Variants in ESPNL observed in about 807,000 individuals in gnomAD.
The protein encoded by ESPNL is espin like.
ESPNL carries 49 observed loss-of-function variants against 46.8 expected under a neutral mutation model. That is an observed-to-expected ratio of 1.05 (90% CI 0.83 to 1.33). ESPNL has a LOEUF of 1.33. ESPNL is among the 40% of genes most tolerant of loss of function. The pLI, the probability that ESPNL is intolerant of heterozygous loss-of-function variation, is 0.00. For missense variants in ESPNL, 1,540 were observed against 1,436.6 expected, an observed-to-expected ratio of 1.07 and a Z score of -1.16; for synonymous variants, 664 against 662.1, an observed-to-expected ratio of 1.00 and a Z score of -0.04.
chr2:238,125,615 G>GT (rs1481899141), intron 6 of ESPNL, among the ~76,000 whole-genome samples: 8 of 152,256 alleles, frequency 5.3e-5, no homozygotes, highest in Non-Finnish European at 1.2e-4. Context: ...CTTATCCAGG[G>GT]GTAAAAGCGG....
intron 6 of ESPNL, among the ~76,000 whole-genome samples, chr2:238,126,839 GTATC>G (rs1270061588): frequency 6.6e-6 from 1 of 151,238 alleles, no homozygotes; most frequent in Non-Finnish European, 1.5e-5. Context: ...GTGTGTGACT[GTATC>G]TGTGTGTGAT....
chr2:238,117,403 A>G (rs1473132524), intron 5 of ESPNL, among the ~76,000 whole-genome samples: 2 of 152,208 alleles, frequency 1.3e-5, no homozygotes, highest in African/African-American at 4.8e-5. Flanking sequence ...TGGCCAGGCC[A>G]TGCCTTTCGT....
At chr2:238,123,100 A>G (rs6744116) in intron 5 of ESPNL, among the ~76,000 whole-genome samples, 82,259 of 152,054 alleles carry the variant, frequency 0.54, 24,241 homozygotes, top group African/African-American at 0.78. Context: ...GCTGTGCCGC[A>G]TAGGTCTGTA....
At chr2:238,104,153 G>A (rs549823291) in intron 2 of ESPNL, among the ~76,000 whole-genome samples, 3 of 152,274 alleles carry the variant, frequency 2.0e-5, no homozygotes, top group South Asian at 2.1e-4. Context: ...ACAGGGTGGC[G>A]TGGTCAGCAG....
At chr2:238,111,626 A>G (rs1691720134) in intron 4 of ESPNL, among the ~76,000 whole-genome samples, 1 of 152,212 alleles carries the variant, frequency 6.6e-6, no homozygotes, top group South Asian at 2.1e-4. Flanking sequence ...TTTCCTTTTT[A>G]TAGCTAAATA....
At chr2:238,120,957 A>G (rs1048207299) in intron 5 of ESPNL, among the ~76,000 whole-genome samples, 1 of 152,222 alleles carries the variant, frequency 6.6e-6, no homozygotes, top group Non-Finnish European at 1.5e-5. Context: ...GGACTCGTGC[A>G]TTCCAAGAGC....
chr2:238,122,015 G>A (rs1442342161), intron 5 of ESPNL, among the ~76,000 whole-genome samples: 1 of 152,214 alleles, frequency 6.6e-6, no homozygotes, highest in African/African-American at 2.4e-5. Context: ...GGCTCACCAC[G>A]ATGCTCTCCA....
rs1454407527 is a variant in ESPNL, at chr2:238,131,181, C to T, written c.2467C>T (p.Leu823=). The T allele has an allele frequency of 6.5e-7, 1 of 1,544,274 alleles. No individual in the cohort carries two copies. The highest frequency in any genetic ancestry group is 8.7e-7 in the Non-Finnish European group (1 of 1,146,460). Reference sequence around the variant, plus strand: ...CATGGCTCACGTGCCCGCCCGGCAGCTGCGGCGGCTGAGCCGGCAGCCCCG... The same window carrying T: ...CATGGCTCACGTGCCCGCCCGGCAGTTGCGGCGGCTGAGCCGGCAGCCCCG... ...AIMAHVPARQ[L]RRLSRQPRGA... The change falls in exon 9 of 9, where the codon CTG becomes TTG. Residue 823 remains leucine (L), a synonymous_variant. Coordinates refer to ENST00000343063, the MANE Select transcript of ESPNL (RefSeq NM_194312.4).
intron 2 of ESPNL, among the ~76,000 whole-genome samples, chr2:238,103,524 G>A (rs1275237273): frequency 6.6e-6 from 1 of 152,182 alleles, no homozygotes; most frequent in Admixed American, 6.5e-5. Flanking sequence ...CCCCGGCCTA[G>A]TTCCCGCCTG....
At chr2:238,125,231 C>A in intron 5 of ESPNL, 39 bp from the exon 6 acceptor site, 1 of 1,014,568 alleles carries the variant, frequency 9.9e-7, no homozygotes, top group Non-Finnish European at 1.4e-6. Flanking sequence ...GGGAAGAGCC[C>A]ACGGGGGTCC....
intron 2 of ESPNL, 130 bp downstream of exon 2, chr2:238,102,261 A>G: frequency 2.5e-6 from 2 of 811,948 alleles, no homozygotes; most frequent in Non-Finnish European, 3.8e-6. Context: ...GCATGCTGTC[A>G]CTGTGGGGGT....
chr2:238,129,769 T>C lies in ESPNL; in HGVS notation c.1414-359T>C, dbSNP rs531513388. Among the ~76,000 whole-genome samples the C allele has an allele frequency of 8.5e-5, 13 of 152,392 alleles. 1 individual carries two copies. In the East Asian group the frequency reaches 2.1e-3, roughly 25 times the overall value. On this transcript the variant is annotated intron_variant, in intron 8 of 8. Coordinates refer to ENST00000343063, the MANE Select transcript of ESPNL (RefSeq NM_194312.4). Reference sequence around the variant, plus strand: ...TACAATTTAAGGAAAGTAAAAGTCCTGCCCCTCCGTCGCACCAGCCACCTG... The same window carrying C: ...TACAATTTAAGGAAAGTAAAAGTCCCGCCCCTCCGTCGCACCAGCCACCTG...
At chr2:238,129,312 TA>T in intron 8 of ESPNL, 3 of 994,672 alleles carry the variant, frequency 3.0e-6, no homozygotes, top group Non-Finnish European at 3.6e-6. Context: ...TATGGGTGCT[TA>T]GGGGGCCCCC....
chr2:238,126,228 C>G (rs11903243), intron 6 of ESPNL, among the ~76,000 whole-genome samples: 32 of 137,334 alleles, frequency 2.3e-4, no homozygotes, highest in African/African-American at 4.0e-4. Flanking sequence ...GTGTCTGTGT[C>G]TGTATTGTAT....
At chr2:238,101,906 A>G (rs1559257034) in intron 1 of ESPNL, 35 bp from the exon 2 acceptor site, 1 of 1,547,024 alleles carries the variant, frequency 6.5e-7, no homozygotes. Context: ...CTCACGGCCT[A>G]CCCCCCACTC....
At chr2:238,105,334 A>AG (rs1177005324) in intron 3 of ESPNL, among the ~76,000 whole-genome samples, 5 of 151,852 alleles carry the variant, frequency 3.3e-5, no homozygotes, top group East Asian at 3.9e-4. Flanking sequence ...GCCATCTTCA[A>AG]GGGGGGGCTG....
At chr2:238,121,687 C>T (rs1271471604) in intron 5 of ESPNL, among the ~76,000 whole-genome samples, 6 of 152,370 alleles carry the variant, frequency 3.9e-5, no homozygotes, top group East Asian at 3.9e-4. Flanking sequence ...CATGATCCAC[C>T]GTACCCGGCC....
chr2:238,126,815 CTGTG>C (rs769672204), intron 6 of ESPNL, among the ~76,000 whole-genome samples: 12 of 147,282 alleles, frequency 8.1e-5, no homozygotes, highest in African/African-American at 1.8e-4. Context: ...TGTTCTGTGT[CTGTG>C]TGTTTCTCTG....
At chr2:238,127,174 A>G (rs1295066016) in intron 6 of ESPNL, among the ~76,000 whole-genome samples, 3 of 150,474 alleles carry the variant, frequency 2.0e-5, no homozygotes, top group African/African-American at 7.3e-5. Flanking sequence ...GTGTCTGTGC[A>G]TGTCTGTGTG....
Sources: allele counts gnomAD v4.1 joint callset (sites outside exome capture counted in the v4.1 genomes callset), GRCh38; gene constraint gnomAD v4.1.1; transcripts MANE v1.5; gene names NCBI Gene and HGNC (gene_info 2026-07-23, HGNC 2026-07-21).